The following PTPRT variants were observed in gnomAD, a reference collection of about 807,000 sequenced individuals.
PTPRT encodes receptor-type tyrosine-protein phosphatase T.
PTPRT carries 56 observed loss-of-function variants against 176.8 expected under a neutral mutation model. The observed-to-expected ratio is 0.32, with a 90% CI of 0.26 to 0.40. The LOEUF is 0.40. Among genes scored for constraint, PTPRT ranks in the 10% least tolerant of loss-of-function variants. The pLI, the probability that PTPRT is intolerant of heterozygous loss-of-function variation, is 1.00. For synonymous variants in PTPRT, 783 were observed against 739.0 expected (o/e 1.06, Z -0.96); for missense variants, 1,540 against 1,908.2 (o/e 0.81, Z 3.60).
chr20:42,962,806 G>C (rs1339881511), intron 1 of PTPRT, among the ~76,000 whole-genome samples: 1 of 151,958 alleles, frequency 6.6e-6, no homozygotes, highest in South Asian at 2.1e-4. Flanking sequence ...GGTGGCTCAC[G>C]CCTGTACTCC....
intron 1 of PTPRT, among the ~76,000 whole-genome samples, chr20:43,040,919 G>T (rs1403151782): frequency 6.6e-6 from 1 of 152,128 alleles, no homozygotes; most frequent in African/African-American, 2.4e-5. Context: ...TTCGAACCTG[G>T]AACATTTAGC....
chr20:42,462,034 A>G (rs1218777445), intron 8 of PTPRT, among the ~76,000 whole-genome samples: 2 of 151,890 alleles, frequency 1.3e-5, no homozygotes, highest in African/African-American at 2.4e-5. Flanking sequence ...GATTTGCTGC[A>G]TTAAGTAGCA....
chr20:43,022,724 A>G (rs2146179953), intron 1 of PTPRT, among the ~76,000 whole-genome samples: 1 of 152,280 alleles, frequency 6.6e-6, no homozygotes, highest in Non-Finnish European at 1.5e-5. Context: ...CAAAAATAGA[A>G]TATGTGGCCA....
chr20:42,142,088 C>T lies in PTPRT; in HGVS notation c.2683-86G>A, dbSNP rs191882494. The T allele has an allele frequency of 1.1e-5, 12 of 1,102,024 alleles. No homozygotes were observed. In the East Asian group the frequency reaches 2.8e-4, roughly 26 times the overall value. 68.3% of individuals were successfully genotyped at this position (1,102,024 alleles called of 1,614,324 possible). A position where few individuals can be genotyped will look rare whatever the true frequency, so the allele number is the denominator to read the frequency against. On this transcript the variant is annotated intron_variant, in intron 17 of 30. Coordinates refer to ENST00000373187, the MANE Select transcript of PTPRT (RefSeq NM_007050.6). ...ATGAACCAACAGGGCAAAGTAAGAC[C>T]CACTGCGATGGGACTCCTAGTGGAA...
chr20:42,208,712 A>C (rs542735614), intron 15 of PTPRT, among the ~76,000 whole-genome samples: 1,692 of 152,226 alleles, frequency 0.011, 32 homozygotes, highest in African/African-American at 0.039. Flanking sequence ...TTAACACCCC[A>C]CTGTCAACAT....
At chr20:43,139,443 C>T (rs957869300) in intron 1 of PTPRT, among the ~76,000 whole-genome samples, 1 of 152,214 alleles carries the variant, frequency 6.6e-6, no homozygotes, top group Non-Finnish European at 1.5e-5. Context: ...GACCACGTTC[C>T]AGGACACCAG....
chr20:42,056,018 G>C, the PTPRT span, among the ~76,000 whole-genome samples: 1 of 152,148 alleles, frequency 6.6e-6, no homozygotes, highest in Non-Finnish European at 1.5e-5. Context: ...ACCCTCCGCT[G>C]TCCCCTCTTA....
chr20:42,408,087 C>T (rs1001353009), intron 9 of PTPRT, among the ~76,000 whole-genome samples: 3 of 152,040 alleles, frequency 2.0e-5, no homozygotes, highest in African/African-American at 4.8e-5. Flanking sequence ...AAAACCAATA[C>T]GTTGATGAAA....
chr20:42,066,459 G>A, the PTPRT span, among the ~76,000 whole-genome samples: 214 of 152,114 alleles, frequency 1.4e-3, 1 homozygote, highest in African/African-American at 5.0e-3. Flanking sequence ...GGTTTTTTTG[G>A]TGTGTATTCT....
chr20:42,578,510 C>T (rs926457067), intron 7 of PTPRT, among the ~76,000 whole-genome samples: 4 of 152,116 alleles, frequency 2.6e-5, no homozygotes, highest in Admixed American at 2.6e-4. Flanking sequence ...AACTGAACTG[C>T]TGATCTTCCC....
At position 42,202,937 on chromosome 20, in the gene PTPRT, C is replaced by A. The variant is rs997674401; in HGVS notation, c.2343-3549G>T. Among the ~76,000 whole-genome samples, 4 of 152,156 alleles carry A rather than the reference C, an allele frequency of 2.6e-5. No homozygotes were observed. The South Asian group carries it at 8.3e-4, about 32-fold the overall frequency. ...GTACTTTATAGAAATGTTTGGGTAGCTCTGAACACCTGTATTAAAAAAAGA... is the reference window on the plus strand; with the variant it reads ...GTACTTTATAGAAATGTTTGGGTAGATCTGAACACCTGTATTAAAAAAAGA... On this transcript the variant is annotated intron_variant, in intron 15 of 30. Transcript: ENST00000373187.
chr20:42,835,044 C>A (rs1484766328), intron 2 of PTPRT, among the ~76,000 whole-genome samples: 1 of 152,024 alleles, frequency 6.6e-6, no homozygotes, highest in Non-Finnish European at 1.5e-5. Flanking sequence ...GTAAACCCCA[C>A]ACAAAAAAAG....
At position 42,362,432 on chromosome 20, in the gene PTPRT, G is replaced by A. The variant is rs575608573; in HGVS notation, c.1561-10147C>T. 3.3e-5 allele frequency among the ~76,000 whole-genome samples: 5 copies of A among 151,904 alleles called. No homozygotes were observed. The East Asian group carries it at 9.7e-4, about 29-fold the overall frequency. ...AAAGAAAAAAAAAACTAACTTAAAGGACAGTCTACAAAATAACTGACCAGT... is the reference window on the plus strand; with the variant it reads ...AAAGAAAAAAAAAACTAACTTAAAGAACAGTCTACAAAATAACTGACCAGT... On this transcript the variant is annotated intron_variant, in intron 9 of 30. Coordinates refer to ENST00000373187, the MANE Select transcript of PTPRT (RefSeq NM_007050.6).
At chr20:42,993,580 A>ACATATATTTGTGTGTATAT (rs1568722811) in intron 1 of PTPRT, among the ~76,000 whole-genome samples, 1 of 147,970 alleles carries the variant, frequency 6.8e-6, no homozygotes, top group Non-Finnish European at 1.5e-5. Flanking sequence ...ATATATATAC[A>ACATATATTTGTGTGTATAT]ATCTGCCATA....
chr20:42,373,216 G>A (rs1397718537), intron 9 of PTPRT, among the ~76,000 whole-genome samples: 1 of 152,186 alleles, frequency 6.6e-6, no homozygotes, highest in East Asian at 1.9e-4. Flanking sequence ...CTCAGAGAGG[G>A]TGAGTGACTT....
intron 1 of PTPRT, among the ~76,000 whole-genome samples, chr20:43,047,631 C>A (rs1986887862): frequency 6.6e-6 from 1 of 152,108 alleles, no homozygotes; most frequent in Admixed American, 6.6e-5. Flanking sequence ...TCATTATATT[C>A]AACAACTTAT....
chr20:42,981,572 C>G (rs1004032208), intron 1 of PTPRT, among the ~76,000 whole-genome samples: 2 of 152,204 alleles, frequency 1.3e-5, no homozygotes, highest in African/African-American at 4.8e-5. Flanking sequence ...CCTGACCTAG[C>G]CTGCTGGATG....
chr20:42,775,276 CT>C (rs1288881304), intron 4 of PTPRT, among the ~76,000 whole-genome samples: 1 of 152,198 alleles, frequency 6.6e-6, no homozygotes, highest in Admixed American at 6.5e-5. Flanking sequence ...CTTTATCTTG[CT>C]CTTTAAACCT....
chr20:42,702,807 T>C (rs1198493338), intron 6 of PTPRT, among the ~76,000 whole-genome samples: 1 of 152,236 alleles, frequency 6.6e-6, no homozygotes, highest in Non-Finnish European at 1.5e-5. Flanking sequence ...CCAGATCTTC[T>C]TGATTCAAAG....
Sources: allele counts gnomAD v4.1 joint callset (sites outside exome capture counted in the v4.1 genomes callset), GRCh38; gene constraint gnomAD v4.1.1; transcripts MANE v1.5; gene names NCBI Gene and HGNC (gene_info 2026-07-23, HGNC 2026-07-21).